Variants in TRRAP observed in about 807,000 individuals in gnomAD.
TRRAP encodes transformation/transcription domain associated protein, also known as transformation/transcription domain-associated protein.
Under a neutral mutation model 438.8 loss-of-function variants are expected in TRRAP, and 41 were observed. That is an observed-to-expected ratio of 0.09 (90% confidence interval 0.07 to 0.12). The LOEUF is 0.12. Ranked by LOEUF, TRRAP falls within the 10% of genes least tolerant of loss-of-function variation. TRRAP has a pLI of 1.00. For synonymous variants in TRRAP, 1,994 were observed against 1,962.9 expected, an observed-to-expected ratio of 1.02 and a Z score of -0.42; for missense variants, 3,122 against 5,055.1, an observed-to-expected ratio of 0.62 and a Z score of 11.60.
rs111849664 is a variant in TRRAP, at chr7:98,955,841, T to G, written c.5938-305T>G. Among the ~76,000 whole-genome samples the G allele has an allele frequency of 5.7e-3, 871 of 152,202 alleles. 3 individuals carry two copies. The highest frequency in any genetic ancestry group is 0.019 in the African/African-American group (776 of 41,514). ...TACAATGTCAAGTTCTGAAGTTTGA[T>G]ACATGTGATTAGACTCACCTTCCTG... On this transcript the variant is annotated intron_variant, in intron 41 of 72. Transcript: ENST00000456197.
Position 98,910,218 on chromosome 7 carries a change from G to GGCCCCCCCCCCCC in TRRAP, c.1513_1514insGCCCCCCCCCCCC (p.Ala505GlyfsTer72). 7.3e-7 allele frequency: 1 copy of GGCCCCCCCCCCCC among 1,377,612 alleles called. No individual in the cohort carries two copies. Among genetic ancestry groups the GGCCCCCCCCCCCC allele is most frequent in the Non-Finnish European group, 9.4e-7 (1 of 1,064,936 alleles). The allele number at this position is 1,377,612 out of a possible 1,614,324, so 85.3% of individuals were successfully genotyped here. On this transcript the variant is annotated frameshift_variant, in exon 15 of 73. Transcript: ENST00000456197. LOFTEE classifies it high-confidence loss of function. ...TGCTCCCTCCCCAGCCCCTGTCCCT[G>GGCCCCCCCCCCCC]CCCCACCTCCACCCCCGCCCCCACC...
intron 21 of TRRAP, among the ~76,000 whole-genome samples, chr7:98,923,330 C>G (rs541314577): frequency 1.3e-5 from 2 of 152,308 alleles, no homozygotes; most frequent in South Asian, 4.1e-4. Context: ...GGTCTGGGCC[C>G]CCTTACAGAG....
At chr7:98,999,270 T>C (rs1793809121) in intron 67 of TRRAP, 2 of 1,182,928 alleles carry the variant, frequency 1.7e-6, no homozygotes, top group Admixed American at 1.7e-5. Context: ...GAAACAGATG[T>C]CGTACAGGAA....
chr7:98,967,188 T>C, intron 50 of TRRAP, 26 bp downstream of exon 50: 2 of 1,605,926 alleles, frequency 1.2e-6, no homozygotes, highest in Non-Finnish European at 1.7e-6. Context: ...AATCAAGTAC[T>C]ACATATATTG....
At chr7:98,970,487 G>A (rs1007397979) in intron 52 of TRRAP, among the ~76,000 whole-genome samples, 196 bp downstream of exon 52, 3 of 152,212 alleles carry the variant, frequency 2.0e-5, no homozygotes, top group African/African-American at 7.2e-5. Flanking sequence ...CAGAATCCTT[G>A]GTCCTGCGGA....
chr7:98,908,397 ATTTAT>A lies in TRRAP; in HGVS notation c.1116-327_1116-323del, dbSNP rs1783483428. On this transcript the variant is annotated intron_variant, in intron 13 of 72. Coordinates refer to ENST00000456197, the MANE Select transcript of TRRAP (RefSeq NM_001375524.1). This position sits in a 1 kb window ranked among gnomAD's most constrained non-coding sequence, Gnocchi z 4.1. Reference sequence around the variant, plus strand: ...ATATAAAGATTGATTGACCCGTCCTATTTATTTTTGAGCAACAAAACCCATTCAGT... The same window carrying A: ...ATATAAAGATTGATTGACCCGTCCTATTTTGAGCAACAAAACCCATTCAGT... 6.6e-6 allele frequency among the ~76,000 whole-genome samples: 1 copy of A among 152,128 alleles called. No individual in the cohort carries two copies. The highest frequency in any genetic ancestry group is 2.1e-4 in the South Asian group (1 of 4,822).
intron 21 of TRRAP, among the ~76,000 whole-genome samples, chr7:98,924,707 G>A (rs1206614815): frequency 5.6e-5 from 5 of 89,386 alleles, no homozygotes; most frequent in African/African-American, 1.4e-4. Flanking sequence ...AAAAAAAAAA[G>A]GTTCTTCTGG....
chr7:98,969,673 G>A (rs1042100101), intron 51 of TRRAP, among the ~76,000 whole-genome samples: 2 of 142,586 alleles, frequency 1.4e-5, no homozygotes, highest in Non-Finnish European at 3.0e-5. Context: ...AGGGGCTTCA[G>A]TACATCACGG....
At chr7:98,928,396 C>A (rs1554412022) in intron 23 of TRRAP, among the ~76,000 whole-genome samples, 1 of 152,178 alleles carries the variant, frequency 6.6e-6, no homozygotes, top group East Asian at 1.9e-4. Flanking sequence ...CCTCAAAGCC[C>A]CTCACCCTTA....
At chr7:98,990,854 A>G (rs921763685) in intron 64 of TRRAP, among the ~76,000 whole-genome samples, 3 of 152,242 alleles carry the variant, frequency 2.0e-5, no homozygotes, top group African/African-American at 4.8e-5. Flanking sequence ...TTAAAATTCT[A>G]ATTTCTTAAA....
Position 98,930,344 on chromosome 7 carries a change from A to G in TRRAP, c.3393+138A>G, listed in dbSNP as rs561945405. 502 of 1,133,266 alleles carry G rather than the reference A, an allele frequency of 4.4e-4. 3 individuals are homozygous for G. In the South Asian group the frequency reaches 7.0e-3, roughly 16 times the overall value. 70.2% of individuals were successfully genotyped at this position (1,133,266 alleles called of 1,614,324 possible). ...GTAATCCCAGCACTTTGAGAGGCCA[A>G]GGCGGGCGGCTCACCTGAGGTTGGG... On this transcript the variant is annotated intron_variant, in intron 24 of 72. Transcript: ENST00000456197.
intron 4 of TRRAP, 43 bp from the exon 5 acceptor site, chr7:98,892,380 TG>T: frequency 6.7e-7 from 1 of 1,495,128 alleles, no homozygotes. Flanking sequence ...TTGGAACCCT[TG>T]GAAGTATTTT....
At position 98,930,098 on chromosome 7, in the gene TRRAP, A is replaced by G. The variant is rs781927996; in HGVS notation, c.3285A>G (p.Ala1095=). ...KGMDPLVLID[A]IAICMAYEEK... is the part of the protein sequence containing the mutation. The stretch of plus-strand genomic sequence containing the variant: ...TGGATCCTTTGGTTCTCATTGATGC[A>G]ATTGCTATTTGTATGGCATATGAAG... The change falls in exon 24 of 73, where the codon GCA becomes GCG. Residue 1095 remains alanine (A), a synonymous_variant. Coordinates refer to ENST00000456197, the MANE Select transcript of TRRAP (RefSeq NM_001375524.1). The G allele has an allele frequency of 2.5e-6, 4 of 1,614,184 alleles. No individual in the cohort carries two copies. In the South Asian group the frequency reaches 3.3e-5, roughly 13 times the overall value.
intron 65 of TRRAP, among the ~76,000 whole-genome samples, chr7:98,993,118 A>G (rs1793502105): frequency 6.6e-6 from 1 of 152,212 alleles, no homozygotes; most frequent in Admixed American, 6.5e-5. Context: ...CTCTGAGTTT[A>G]TAGTAGCAAG....
intron 9 of TRRAP, 50 bp downstream of exon 9, chr7:98,899,549 A>G: frequency 6.2e-7 from 1 of 1,609,268 alleles, no homozygotes; most frequent in African/African-American, 1.3e-5. Context: ...CTTATAAGAA[A>G]ATTGGCATCT....
chr7:98,917,616 G>A lies in TRRAP; in HGVS notation c.2559G>A (p.Val853=). 2 of 1,614,200 alleles carry A rather than the reference G, an allele frequency of 1.2e-6. No individual in the cohort carries two copies. The highest frequency in any genetic ancestry group is 2.2e-5 in the South Asian group (2 of 91,082). ...GCCTCAGGACGCTGGAGCTGTGTGT[G>A]GACAACCTGCAGCCCGACTTCCTCT... ...SQGLRTLELC[V]DNLQPDFLYD... The change falls in exon 20 of 73, where the codon GTG becomes GTA. Residue 853 remains valine (V), a synonymous_variant. Transcript: ENST00000456197.
At chr7:98,933,922 G>T (rs1790437866) in intron 27 of TRRAP, among the ~76,000 whole-genome samples, 4 of 152,250 alleles carry the variant, frequency 2.6e-5, no homozygotes, top group Admixed American at 1.3e-4. Context: ...AAGCCACAGG[G>T]CAGGTGAGCT....
In TRRAP at chr7:98,964,616, T is replaced by G; in HGVS notation, c.6830-13T>G. ...ACTTTTCTGTGAAACACTTGGCAAT[T>G]TCTACATTTTAGGGACCCTTATGAT... On this transcript the variant is annotated splice_polypyrimidine_tract_variant and intron_variant, in intron 47 of 72. Coordinates refer to ENST00000456197, the MANE Select transcript of TRRAP (RefSeq NM_001375524.1). 1 of 1,603,138 alleles carries G rather than the reference T, an allele frequency of 6.2e-7. No homozygotes were observed. The highest frequency in any genetic ancestry group is 1.1e-5 in the South Asian group (1 of 88,708).
At chr7:98,888,990 G>A (rs114876921) in intron 3 of TRRAP, among the ~76,000 whole-genome samples, 79 of 147,836 alleles carry the variant, frequency 5.3e-4, no homozygotes, top group Middle Eastern at 7.1e-3. Context: ...CATTAAACAA[G>A]AAAAAGGATT....
Sources: allele counts gnomAD v4.1 joint callset (sites outside exome capture counted in the v4.1 genomes callset), GRCh38; gene constraint gnomAD v4.1.1; non-coding constraint Gnocchi (gnomAD v3.1); transcripts MANE v1.5; gene names NCBI Gene and HGNC (gene_info 2026-07-23, HGNC 2026-07-21).